SCG5: variants seen among roughly 807,000 people sequenced by gnomAD.
SCG5 encodes the protein neuroendocrine protein 7B2.
In SCG5, 18 loss-of-function variants were observed where a neutral mutation model predicts 25.7. The observed-to-expected ratio is 0.70, with a 90% CI of 0.48 to 1.04. The LOEUF (loss-of-function observed/expected upper bound fraction) is 1.04, where lower values mean the gene tolerates loss of function less well. SCG5 is among the 50% of genes least tolerant of loss of function. The probability of loss-of-function intolerance (pLI) is 0.00; values close to 1 mark genes in which losing one functional copy is unlikely to be tolerated. For missense variants in SCG5, 206 were observed against 259.8 expected, an observed-to-expected ratio of 0.79 and a Z score of 1.42; for synonymous variants, 101 against 91.7, an observed-to-expected ratio of 1.10 and a Z score of -0.58.
intron 5 of SCG5, among the ~76,000 whole-genome samples, chr15:32,695,011 C>CTTTTTTTTTTTTTTTTTTT (rs10718630): frequency 8.1e-6 from 1 of 123,642 alleles, no homozygotes; most frequent in Non-Finnish European, 1.8e-5. Context: ...TTCTTTCTTT[C>CTTTTTTTTTTTTTTTTTTT]TTTTTTTTTT....
intron 4 of SCG5, among the ~76,000 whole-genome samples, chr15:32,689,126 C>T (rs114863628): frequency 1.3e-4 from 20 of 152,154 alleles, no homozygotes; most frequent in African/African-American, 3.9e-4. Context: ...TTTCTTACTC[C>T]GCTATTCTTT....
Position 32,692,063 on chromosome 15 carries a change from G to A in SCG5, c.543+300G>A, listed in dbSNP as rs1308616533. On this transcript the variant is annotated intron_variant, in intron 5 of 5. Transcript: ENST00000300175. ...CCCCATCAGTGTGGGACATATCTGG[G>A]GGGACATGAGGGTCTGTCTGCCCTC... 13 of 1,228,328 alleles carry A rather than the reference G, an allele frequency of 1.1e-5. No individual in the cohort carries two copies. The South Asian group carries it at 3.4e-4, about 32-fold the overall frequency. The allele number at this position is 1,228,328 out of a possible 1,614,324, so 76.1% of individuals were successfully genotyped here. A position where few individuals can be genotyped will look rare whatever the true frequency, so the allele number is the denominator to read the frequency against.
intron 2 of SCG5, among the ~76,000 whole-genome samples, chr15:32,671,790 C>T (rs1437872906): frequency 6.6e-6 from 1 of 152,180 alleles, no homozygotes; most frequent in Admixed American, 6.5e-5. Context: ...CCCCCAGTGC[C>T]TGGTGCCTGC....
intron 2 of SCG5, among the ~76,000 whole-genome samples, chr15:32,651,460 G>C (rs938417617): frequency 6.6e-6 from 1 of 152,214 alleles, no homozygotes; most frequent in African/African-American, 2.4e-5. Context: ...GGATGGCGGG[G>C]TGAAGCAAAC....
chr15:32,666,756 T>C (rs370359627), intron 2 of SCG5, among the ~76,000 whole-genome samples: 5 of 152,358 alleles, frequency 3.3e-5, no homozygotes, highest in South Asian at 4.1e-4. Context: ...TTTATCCTCA[T>C]ACCAACGGCT....
At chr15:32,696,468 C>A in intron 5 of SCG5, 46 bp from the exon 6 acceptor site, 1 of 1,329,512 alleles carries the variant, frequency 7.5e-7, no homozygotes, top group Non-Finnish European at 1.1e-6. Flanking sequence ...ATCTGATGTT[C>A]ACATATAACA....
chr15:32,695,141 A>G (rs2054933009), intron 5 of SCG5, among the ~76,000 whole-genome samples: 1 of 151,700 alleles, frequency 6.6e-6, no homozygotes, highest in Admixed American at 6.6e-5. Context: ...TCAACCTCCC[A>G]AGTAGCTGGG....
chr15:32,694,255 C>T (rs1244766410), intron 5 of SCG5, among the ~76,000 whole-genome samples: 1 of 152,172 alleles, frequency 6.6e-6, no homozygotes, highest in African/African-American at 2.4e-5. Context: ...CCCTCCCCTC[C>T]AACCTTTGCA....
intron 3 of SCG5, among the ~76,000 whole-genome samples, chr15:32,681,427 G>A (rs931072847): frequency 6.6e-6 from 1 of 151,684 alleles, no homozygotes; most frequent in African/African-American, 2.4e-5. Context: ...AGGACATACT[G>A]CCTTGCTCTG....
intron 2 of SCG5, among the ~76,000 whole-genome samples, chr15:32,657,220 T>TATATATATATATATATATATATATATATA (rs71113464): frequency 1.5e-3 from 158 of 106,476 alleles, no homozygotes; most frequent in Middle Eastern, 5.1e-3. Flanking sequence ...TATGTATGTA[T>TATATATATATATATATATATATATATATA]TTCCAGGTGT....
intron 4 of SCG5, among the ~76,000 whole-genome samples, chr15:32,688,785 C>T (rs1040758969): frequency 5.3e-5 from 8 of 151,942 alleles, no homozygotes; most frequent in African/African-American, 1.7e-4. Context: ...AGTGAAACCC[C>T]GTCTCTACTA....
At position 32,655,312 on chromosome 15, in the gene SCG5, A is replaced by AC. The variant is rs200436262; in HGVS notation, c.226+11494_226+11495insC. Reference sequence around the variant, plus strand: ...AACAGAGCGAGACTCTGTCTGAACAAAAAAAAAAAAAATTCTGGAGATCAT... The same window carrying AC: ...AACAGAGCGAGACTCTGTCTGAACAACAAAAAAAAAAAATTCTGGAGATCAT... On this transcript the variant is annotated intron_variant, in intron 2 of 5. Coordinates refer to ENST00000300175, the MANE Select transcript of SCG5 (RefSeq NM_001144757.3). 1.8e-4 allele frequency among the ~76,000 whole-genome samples: 26 copies of AC among 147,738 alleles called. 1 individual carries two copies. The highest frequency in any genetic ancestry group is 3.4e-3 in the Middle Eastern group (1 of 292).
At chr15:32,642,946 A>G (rs1249117117) in intron 1 of SCG5, among the ~76,000 whole-genome samples, 1 of 152,214 alleles carries the variant, frequency 6.6e-6, no homozygotes, top group African/African-American at 2.4e-5. Flanking sequence ...AGAGGAGGAA[A>G]CTGAGGGACT....
At chr15:32,693,287 T>C (rs1017074781) in intron 5 of SCG5, among the ~76,000 whole-genome samples, 1 of 152,206 alleles carries the variant, frequency 6.6e-6, no homozygotes, top group African/African-American at 2.4e-5. Flanking sequence ...GTGAGACTAG[T>C]GATTACCAAA....
intron 2 of SCG5, among the ~76,000 whole-genome samples, chr15:32,650,709 C>G (rs551667709): frequency 4.6e-5 from 7 of 152,160 alleles, no homozygotes; most frequent in Non-Finnish European, 1.0e-4. Flanking sequence ...AATGTGCTTT[C>G]GTTTTCAGAA....
At chr15:32,663,085 TAA>T (rs2054263548) in intron 2 of SCG5, among the ~76,000 whole-genome samples, 2 of 132,086 alleles carry the variant, frequency 1.5e-5, no homozygotes, top group Non-Finnish European at 3.3e-5. Flanking sequence ...ATATAATATA[TAA>T]TATGTTATAT....
intron 4 of SCG5, among the ~76,000 whole-genome samples, chr15:32,686,702 A>C (rs1020185324): frequency 2.0e-5 from 3 of 152,206 alleles, no homozygotes; most frequent in Non-Finnish European, 2.9e-5. Context: ...AGGTTCGATA[A>C]GGCACAAAGA....
At chr15:32,694,118 GC>G (rs780885146) in intron 5 of SCG5, among the ~76,000 whole-genome samples, 10 of 151,950 alleles carry the variant, frequency 6.6e-5, no homozygotes, top group Non-Finnish European at 1.3e-4. Flanking sequence ...TCAAAACAAA[GC>G]AAAACAAAAC....
intron 2 of SCG5, among the ~76,000 whole-genome samples, chr15:32,672,181 G>T (rs1459805774): frequency 6.6e-6 from 1 of 152,240 alleles, no homozygotes; most frequent in Non-Finnish European, 1.5e-5. Context: ...TGAATGGCTG[G>T]TATTCAGGGG....
Sources: allele counts gnomAD v4.1 joint callset (sites outside exome capture counted in the v4.1 genomes callset), GRCh38; gene constraint gnomAD v4.1.1; transcripts MANE v1.5; gene names NCBI Gene and HGNC (gene_info 2026-07-23, HGNC 2026-07-21).